TGM1: variants seen among roughly 807,000 people sequenced by gnomAD.
The protein encoded by TGM1 is transglutaminase 1, also known as protein-glutamine gamma-glutamyltransferase K.
In TGM1, 63 loss-of-function variants were observed where a neutral mutation model predicts 88.7. The observed-to-expected ratio is 0.71, with a 90% CI of 0.58 to 0.88. The LOEUF (loss-of-function observed/expected upper bound fraction) is 0.88, where lower values mean the gene tolerates loss of function less well. Ranked by LOEUF, TGM1 falls within the 40% of genes least tolerant of loss-of-function variation. The pLI is 0.00. For synonymous variants in TGM1, 415 were observed against 431.1 expected (o/e 0.96, Z 0.46); for missense variants, 996 against 1,118.0 (o/e 0.89, Z 1.56).
rs773864167 is a variant in TGM1, at chr14:24,255,563, G to A, written c.1492-46C>T. On this transcript the variant is annotated intron_variant, in intron 10 of 14. Coordinates refer to ENST00000206765, the MANE Select transcript of TGM1 (RefSeq NM_000359.3). This position sits in a 1 kb window ranked among gnomAD's most constrained non-coding sequence, Gnocchi z 4.0. The stretch of plus-strand genomic sequence containing the variant: ...CAGGAATGAGTGAGCCAGAGGGTCT[G>A]AGGGTGGCCTGACTCCCGGCCTCCT... 1 of 1,610,206 alleles carries A rather than the reference G, an allele frequency of 6.2e-7. No individual in the cohort carries two copies. The highest frequency in any genetic ancestry group is 1.3e-5 in the African/African-American group (1 of 74,856).
chr14:24,258,528 A>G lies in TGM1; in HGVS notation c.1298+7T>C. On this transcript the variant is annotated splice_region_variant and intron_variant, in intron 8 of 14. Transcript: ENST00000206765. ...TCAGCACAGATGGGCAGTCCACCCC[A>G]GCTCACCAGACAGAATCATGGTTCA... 1 of 1,566,292 alleles carries G rather than the reference A, an allele frequency of 6.4e-7. No individual in the cohort carries two copies. The highest frequency in any genetic ancestry group is 8.7e-7 in the Non-Finnish European group (1 of 1,152,080).
chr14:24,259,082 G>A lies in TGM1; in HGVS notation c.1152C>T (p.Thr384=), dbSNP rs1469836706. The A allele has an allele frequency of 2.5e-6, 4 of 1,613,996 alleles. No homozygotes were observed. The South Asian group carries it at 3.3e-5, about 13-fold the overall frequency. ...TCCCAGTCCCTCCACTACCTGTGGT[G>A]GTCACGCCAGCAAAGACCCAGCACT... ...YGQCWVFAGV[T]TTVLRCLGLA... Residue 384 remains threonine (T), a synonymous_variant, in exon 7 of 15, where the codon ACC becomes ACT. Transcript: ENST00000206765. The surrounding 1 kb of genome is among the most constrained non-coding windows in gnomAD (Gnocchi z 5.7).
Position 24,256,080 on chromosome 14 carries a change from A to G in TGM1, c.1403-3T>C, listed in dbSNP as rs1227621615. 5.8e-6 allele frequency: 9 copies of G among 1,560,718 alleles called. No homozygotes were observed. In the East Asian group the frequency reaches 1.7e-4, roughly 29 times the overall value. The stretch of plus-strand genomic sequence containing the variant: ...GCAGGGGCCGCAGCAGAAGATGCCT[A>G]GAGAGTGAGGCGGGACAGAGGCAAG... On this transcript the variant is annotated splice_polypyrimidine_tract_variant and splice_region_variant and intron_variant, in intron 9 of 14. Coordinates refer to ENST00000206765, the MANE Select transcript of TGM1 (RefSeq NM_000359.3).
intron 1 of TGM1, 100 bp from the exon 2 acceptor site, chr14:24,262,454 C>T (rs2040822324): frequency 2.4e-6 from 3 of 1,262,544 alleles, no homozygotes; most frequent in Middle Eastern, 2.3e-4. Flanking sequence ...CACCCGATGA[C>T]CGAAACAATC....
rs8193033 is a variant in TGM1, at chr14:24,254,592, C to T, written c.2088+72G>A. 0.086 allele frequency: 138,521 copies of T among 1,608,180 alleles called. 9,839 individuals are homozygous for T. Among genetic ancestry groups the T allele is most frequent in the East Asian group, 0.37 (16,469 of 44,778 alleles). Reference sequence around the variant, plus strand: ...GGCCAGCCTGCTGCTGGCTTAGCGCCCACCTCTGATGTCCTTATCCCCTGG... The same window carrying T: ...GGCCAGCCTGCTGCTGGCTTAGCGCTCACCTCTGATGTCCTTATCCCCTGG... On this transcript the variant is annotated intron_variant, in intron 13 of 14. Transcript: ENST00000206765.
At chr14:24,257,815 AC>A (rs1285477644) in intron 9 of TGM1, among the ~76,000 whole-genome samples, 4 of 152,226 alleles carry the variant, frequency 2.6e-5, no homozygotes, top group Non-Finnish European at 5.9e-5. Flanking sequence ...TTGAAAAAAA[AC>A]CCAAATACCT....
chr14:24,251,819 C>T (rs1033796313), intron 14 of TGM1, among the ~76,000 whole-genome samples: 2 of 152,164 alleles, frequency 1.3e-5, no homozygotes, highest in Non-Finnish European at 2.9e-5. Context: ...CCCACTTGTT[C>T]ACTTATCTTA....
In TGM1 at chr14:24,259,142, G is replaced by A. The variant is rs764663238; in HGVS notation, c.1092C>T (p.Ser364=). The A allele has an allele frequency of 3.1e-6, 5 of 1,614,204 alleles. No individual in the cohort carries two copies. The Admixed American group carries it at 6.7e-5, about 22-fold the overall frequency. The part of the protein sequence containing the change: ...AWVGSVEILL[S]YLRTGYSVPY... ...GGACGGAATATCCCGTGCGTAGGTAGCTAAGCAGGATCTCCACGCTGCCCA... is the reference window on the plus strand; with the variant it reads ...GGACGGAATATCCCGTGCGTAGGTAACTAAGCAGGATCTCCACGCTGCCCA... The change falls in exon 7 of 15, where the codon AGC becomes AGT. Residue 364 remains serine, a synonymous_variant. Transcript: ENST00000206765. The surrounding 1 kb of genome is among the most constrained non-coding windows in gnomAD (Gnocchi z 5.7).
In TGM1 at chr14:24,259,998, C is replaced by T; in HGVS notation, c.818G>A (p.Gly273Glu). The T allele has an allele frequency of 1.2e-6, 2 of 1,614,178 alleles. No individual in the cohort carries two copies. Among genetic ancestry groups the T allele is most frequent in the Non-Finnish European group, 1.7e-6 (2 of 1,180,032 alleles). The stretch of plus-strand genomic sequence containing the variant: ...TGCTTCGGTCCCGTAGTAAATTCTC[C>T]CAGACTCATTAAGAACATACTCCTG... ...WRQEYVLNES[G>E]RIYYGTEAQI... The change falls in exon 5 of 15, where the codon GGG becomes GAG. Residue 273 changes from glycine (G) to glutamate (E), a missense_variant. Transcript: ENST00000206765. This position sits in a 1 kb window ranked among gnomAD's most constrained non-coding sequence, Gnocchi z 5.7.
rs867508940 is a variant in TGM1, at chr14:24,260,591, T to A, written c.616A>T (p.Asn206Tyr). Residue 206 changes from asparagine (N) to tyrosine (Y), a missense_variant, in exon 4 of 15, where the codon AAC becomes TAC. Coordinates refer to ENST00000206765, the MANE Select transcript of TGM1 (RefSeq NM_000359.3). ...QVVKASGQNL[N>Y]LRVHTSPNAI... ...TTGGGGGAAGTGTGGACCCGCAGGT[T>A]CAGATTCTGCCCACTGGCCTTGACC... 1.2e-6 allele frequency: 2 copies of A among 1,614,194 alleles called. No homozygotes were observed. The highest frequency in any genetic ancestry group is 1.6e-4 in the Middle Eastern group (1 of 6,062).
rs2040746639 is a variant in TGM1, at chr14:24,255,922, G to T, written c.1491+67C>A. The T allele has an allele frequency of 1.5e-6, 2 of 1,317,694 alleles. No individual in the cohort carries two copies. The highest frequency in any genetic ancestry group is 2.1e-6 in the Non-Finnish European group (2 of 933,826). 81.6% of individuals were successfully genotyped at this position (1,317,694 alleles called of 1,614,324 possible). On this transcript the variant is annotated intron_variant, in intron 10 of 14. Coordinates refer to ENST00000206765, the MANE Select transcript of TGM1 (RefSeq NM_000359.3). The surrounding 1 kb of genome is among the most constrained non-coding windows in gnomAD (Gnocchi z 4.0). Reference sequence around the variant, plus strand: ...CCCGGGTCGCAGAGCTGGTCAGTCAGCGGTGAAGTTGGGACCAGAGAACCC... The same window carrying T: ...CCCGGGTCGCAGAGCTGGTCAGTCATCGGTGAAGTTGGGACCAGAGAACCC...
intron 14 of TGM1, 138 bp from the exon 15 acceptor site, chr14:24,249,679 A>G: frequency 1.2e-6 from 1 of 829,162 alleles, no homozygotes. Context: ...AAATTTCCAC[A>G]CCCAAGACCA....
At chr14:24,250,881 G>T (rs1299255221) in intron 14 of TGM1, among the ~76,000 whole-genome samples, 6 of 152,152 alleles carry the variant, frequency 3.9e-5, no homozygotes, top group Non-Finnish European at 7.4e-5. Flanking sequence ...TGCCGCTGGG[G>T]ACCCTTTCCA....
At chr14:24,261,549 G>C in intron 3 of TGM1, 146 bp downstream of exon 3, 5 of 1,030,756 alleles carry the variant, frequency 4.9e-6, no homozygotes, top group South Asian at 2.7e-5. Context: ...ACAACCCCAG[G>C]GGCACACCCA....
chr14:24,258,260 G>A (rs1365272805), intron 9 of TGM1, 25 bp downstream of exon 9: 1 of 1,572,470 alleles, frequency 6.4e-7, no homozygotes, highest in South Asian at 1.1e-5. Flanking sequence ...CAGGGGCATG[G>A]TGGGGAGTGG....
rs1233357105 is a variant in TGM1 at position 24,256,001 on chromosome 14, G to T, written c.1479C>A (p.Phe493Leu). 2.6e-6 allele frequency: 4 copies of T among 1,563,294 alleles called. No individual in the cohort carries two copies. In the African/African-American group the frequency reaches 5.4e-5, roughly 21 times the overall value. ...GCCCAGCCCTCACCTCAGCAAAAAT[G>T]AAAGGCGTGTCGTACTTCATGTAGA... Reference protein sequence around the residue: ...GLVYMKYDTPFIFAEVNSDKV... With the variant: ...GLVYMKYDTPLIFAEVNSDKV... Residue 493 changes from phenylalanine (F) to leucine (L), a missense_variant, in exon 10 of 15, where the codon TTC (phenylalanine) becomes TTA (leucine). Coordinates refer to ENST00000206765, the MANE Select transcript of TGM1 (RefSeq NM_000359.3).
intron 7 of TGM1, 92 bp downstream of exon 7, chr14:24,258,983 T>G: frequency 6.7e-7 from 1 of 1,483,480 alleles, no homozygotes; most frequent in Admixed American, 1.8e-5. Context: ...CACCCTGCAC[T>G]GTAGCCACAT....
chr14:24,262,762 C>T (rs775381584), intron 1 of TGM1, among the ~76,000 whole-genome samples: 14 of 152,230 alleles, frequency 9.2e-5, no homozygotes, highest in Non-Finnish European at 1.3e-4. Flanking sequence ...TAGAGGTGCA[C>T]AACACTGACA....
At chr14:24,257,869 T>A (rs1420065781) in intron 9 of TGM1, among the ~76,000 whole-genome samples, 2 of 152,242 alleles carry the variant, frequency 1.3e-5, no homozygotes, top group Non-Finnish European at 1.5e-5. Context: ...TGTTGTTCAA[T>A]TCTATACTTT....
Sources: allele counts gnomAD v4.1 joint callset (sites outside exome capture counted in the v4.1 genomes callset), GRCh38; gene constraint gnomAD v4.1.1; non-coding constraint Gnocchi (gnomAD v3.1); transcripts MANE v1.5; gene names NCBI Gene and HGNC (gene_info 2026-07-23, HGNC 2026-07-21).